Variants in ANKRD6 observed in about 807,000 individuals in gnomAD.
ANKRD6 encodes ankyrin repeat domain 6.
A neutral mutation model predicts 82.3 loss-of-function variants in ANKRD6; 56 were observed. The observed-to-expected ratio is 0.68, with a 90% CI of 0.55 to 0.85. The LOEUF (loss-of-function observed/expected upper bound fraction) is 0.85. Ranked by LOEUF, ANKRD6 falls within the 40% of genes least tolerant of loss-of-function variation. ANKRD6 has a pLI of 0.00. For synonymous variants in ANKRD6, 347 were observed against 352.1 expected, an observed-to-expected ratio of 0.99 and a Z score of 0.16; for missense variants, 852 against 907.6, an observed-to-expected ratio of 0.94 and a Z score of 0.79.
intron 1 of ANKRD6, among the ~76,000 whole-genome samples, chr6:89,543,950 A>G (rs188025161): frequency 9.9e-5 from 15 of 152,260 alleles, no homozygotes; most frequent in Admixed American, 9.2e-4. Context: ...GAATCCTACC[A>G]TCCCCCATTA....
chr6:89,607,328 A>G lies in ANKRD6; in HGVS notation c.417+1223A>G, dbSNP rs1023692832. On this transcript the variant is annotated intron_variant, in intron 5 of 15. Coordinates refer to ENST00000339746, the MANE Select transcript of ANKRD6 (RefSeq NM_001242809.2). ...CGACAAAGATGTTCATGACAGCAGTAGTTATATTTTTTTAACTGTGGGGAG... is the reference window on the plus strand; with the variant it reads ...CGACAAAGATGTTCATGACAGCAGTGGTTATATTTTTTTAACTGTGGGGAG... 9.2e-4 allele frequency among the ~76,000 whole-genome samples: 7 copies of G among 7,628 alleles called. No individual in the cohort carries two copies. In the Admixed American group the frequency reaches 0.011, roughly 12 times the overall value. 5.0% of individuals were successfully genotyped at this position (7,628 alleles called of 152,430 possible). A position where few individuals can be genotyped will look rare whatever the true frequency, so the allele number is the denominator to read the frequency against.
intron 1 of ANKRD6, among the ~76,000 whole-genome samples, chr6:89,486,166 C>T (rs1582864735): frequency 6.6e-6 from 1 of 152,224 alleles, no homozygotes; most frequent in African/African-American, 2.4e-5. Flanking sequence ...TGTCACATAA[C>T]AACTTTGTAG....
At chr6:89,535,898 T>A (rs1453068105) in intron 1 of ANKRD6, among the ~76,000 whole-genome samples, 1 of 152,188 alleles carries the variant, frequency 6.6e-6, no homozygotes, top group African/African-American at 2.4e-5. Context: ...GTGGGTATAA[T>A]AGGGCCAATC....
At chr6:89,471,154 C>T (rs1775405115) in intron 1 of ANKRD6, among the ~76,000 whole-genome samples, 1 of 151,826 alleles carries the variant, frequency 6.6e-6, no homozygotes, top group African/African-American at 2.4e-5. Flanking sequence ...AGTTCGAGAC[C>T]ACCCTGGCCA....
chr6:89,572,984 A>T (rs1402560711), intron 2 of ANKRD6, among the ~76,000 whole-genome samples: 1 of 152,174 alleles, frequency 6.6e-6, no homozygotes, highest in Non-Finnish European at 1.5e-5. Context: ...GTTTTGACAC[A>T]GAGTCTTGCT....
chr6:89,450,166 G>A (rs1246882055), intron 1 of ANKRD6, among the ~76,000 whole-genome samples: 2 of 151,976 alleles, frequency 1.3e-5, no homozygotes, highest in Non-Finnish European at 2.9e-5. Flanking sequence ...GTGAAACCTC[G>A]TCTCTACTAA....
chr6:89,516,141 C>T (rs2127954586), intron 1 of ANKRD6, among the ~76,000 whole-genome samples: 1 of 152,250 alleles, frequency 6.6e-6, no homozygotes, highest in South Asian at 2.1e-4. Flanking sequence ...AACATTATTC[C>T]TGGGTGTGTC....
intron 1 of ANKRD6, among the ~76,000 whole-genome samples, chr6:89,518,099 A>G (rs1197841581): frequency 6.6e-6 from 1 of 152,160 alleles, no homozygotes; most frequent in African/African-American, 2.4e-5. Context: ...CAACCAAATA[A>G]TCATAAAAAT....
intron 4 of ANKRD6, among the ~76,000 whole-genome samples, chr6:89,603,739 A>C (rs2128181128): frequency 6.6e-6 from 1 of 152,324 alleles, no homozygotes; most frequent in East Asian, 1.9e-4. Context: ...TAATCCTAGC[A>C]CTTTGGGAGG....
intron 1 of ANKRD6, among the ~76,000 whole-genome samples, chr6:89,438,758 TCA>T (rs1562501105): frequency 6.6e-6 from 1 of 152,204 alleles, no homozygotes; most frequent in Non-Finnish European, 1.5e-5. Flanking sequence ...TTCTCCTGCC[TCA>T]GCCTCCTGAG....
chr6:89,557,351 C>A (rs567045094), intron 1 of ANKRD6, among the ~76,000 whole-genome samples: 1 of 152,142 alleles, frequency 6.6e-6, no homozygotes, highest in South Asian at 2.1e-4. Context: ...GCCCAAAAAC[C>A]TCAAGGACCT....
chr6:89,532,017 A>G (rs754320217), intron 1 of ANKRD6, among the ~76,000 whole-genome samples: 17 of 152,186 alleles, frequency 1.1e-4, no homozygotes, highest in Non-Finnish European at 2.4e-4. Flanking sequence ...AGGAAGAGCC[A>G]ATGTTGCGGA....
At chr6:89,514,458 T>G (rs1780965309) in intron 1 of ANKRD6, among the ~76,000 whole-genome samples, 1 of 152,182 alleles carries the variant, frequency 6.6e-6, no homozygotes, top group African/African-American at 2.4e-5. Context: ...TTAGTGTATT[T>G]TATATGTGGC....
rs1371470743 is a variant in ANKRD6 at position 89,606,035 on chromosome 6, C to G, written c.347C>G (p.Ser116Cys). 1.3e-6 allele frequency: 2 copies of G among 1,597,100 alleles called. No homozygotes were observed. The highest frequency in any genetic ancestry group is 1.7e-6 in the Non-Finnish European group (2 of 1,171,416). The change falls in exon 5 of 16, where the codon TCC (serine) becomes TGC (cysteine). Residue 116 changes from serine to cysteine, a missense_variant. Ser to Cys is a moderately radical substitution (Grantham distance 112). Transcript: ENST00000339746. ...GGGAATACAGCCTTGCATGAAGCAT[C>G]CTGGCATGGTTTCAGCCAGTCAGCC... ...KDGNTALHEASWHGFSQSAKL... is the reference protein window; with the variant it reads ...KDGNTALHEACWHGFSQSAKL...
chr6:89,551,402 C>T (rs1472384119), intron 1 of ANKRD6, among the ~76,000 whole-genome samples: 3 of 152,178 alleles, frequency 2.0e-5, no homozygotes. Context: ...ATCCAAGAGG[C>T]GATCTGGCTG....
chr6:89,626,046 A>C (rs1284410945), intron 13 of ANKRD6, among the ~76,000 whole-genome samples: 3 of 152,114 alleles, frequency 2.0e-5, no homozygotes, highest in Non-Finnish European at 4.4e-5. Flanking sequence ...TTTTTTTAAA[A>C]AAGTTTTTGC....
At chr6:89,616,893 A>G in intron 8 of ANKRD6, 1 of 648,774 alleles carries the variant, frequency 1.5e-6, no homozygotes, top group Non-Finnish European at 2.8e-6. Context: ...TGCAGTGAAC[A>G]CAACCTGGCA....
intron 1 of ANKRD6, among the ~76,000 whole-genome samples, chr6:89,513,064 A>G (rs1274711048): frequency 1.3e-5 from 2 of 152,086 alleles, no homozygotes; most frequent in Non-Finnish European, 1.5e-5. Flanking sequence ...AGCTGGGACT[A>G]TAGGCATGTG....
chr6:89,589,537 ATCATTATCTTAACGGGAAT>A (rs1794464305), intron 2 of ANKRD6, among the ~76,000 whole-genome samples: 1 of 152,036 alleles, frequency 6.6e-6, no homozygotes, highest in Non-Finnish European at 1.5e-5. Flanking sequence ...CTGGCGGGAG[ATCATTATCTTAACGGGAAT>A]TCTTCTCCTG....
Sources: allele counts gnomAD v4.1 joint callset (sites outside exome capture counted in the v4.1 genomes callset), GRCh38; gene constraint gnomAD v4.1.1; transcripts MANE v1.5; gene names NCBI Gene and HGNC (gene_info 2026-07-23, HGNC 2026-07-21).